Variants in TRANK1 observed in about 807,000 individuals in gnomAD.
TRANK1 encodes TPR and ankyrin repeat-containing protein 1.
In TRANK1, 198 loss-of-function variants were observed where a neutral mutation model predicts 266.0. That is an observed-to-expected ratio of 0.74 (90% confidence interval 0.66 to 0.84). TRANK1 has a LOEUF of 0.84. TRANK1 is among the 40% of genes least tolerant of loss of function. The pLI is 0.00. For missense variants in TRANK1, 3,326 were observed against 3,634.6 expected, an observed-to-expected ratio of 0.92 and a Z score of 2.18; for synonymous variants, 1,396 against 1,384.1, an observed-to-expected ratio of 1.01 and a Z score of -0.19.
intron 8 of TRANK1, among the ~76,000 whole-genome samples, chr3:36,876,611 G>A (rs1433925686): frequency 6.6e-6 from 1 of 152,174 alleles, no homozygotes; most frequent in Admixed American, 6.5e-5. Flanking sequence ...ACCACAAACC[G>A]CTACAGATGA....
intron 1 of TRANK1, among the ~76,000 whole-genome samples, chr3:36,931,795 T>C (rs1382387120): frequency 2.6e-5 from 4 of 152,236 alleles, no homozygotes; most frequent in African/African-American, 4.8e-5. Flanking sequence ...ACACTTGTAA[T>C]CCCAGCACTC....
intron 4 of TRANK1, among the ~76,000 whole-genome samples, chr3:36,896,827 T>C (rs2079797919): frequency 6.6e-6 from 1 of 151,756 alleles, no homozygotes; most frequent in Admixed American, 6.6e-5. Flanking sequence ...AAAGCCCTTC[T>C]CTACTAAAAA....
intron 18 of TRANK1, 72 bp downstream of exon 18, chr3:36,842,550 T>C (rs888869485): frequency 3.7e-6 from 5 of 1,346,908 alleles, no homozygotes; most frequent in Non-Finnish European, 5.3e-6. Flanking sequence ...ACAAACACCA[T>C]GATGTGAAAC....
intron 11 of TRANK1, among the ~76,000 whole-genome samples, chr3:36,859,428 C>T (rs1015262488): frequency 3.3e-5 from 5 of 152,134 alleles, no homozygotes; most frequent in South Asian, 2.1e-4. Context: ...TAACCCCCCA[C>T]CTCCTGACAG....
At chr3:36,859,108 C>CCTCACCCCCGCCTCCTCTT (rs2079098634) in intron 11 of TRANK1, among the ~76,000 whole-genome samples, 2 of 152,148 alleles carry the variant, frequency 1.3e-5, no homozygotes, top group African/African-American at 4.8e-5. Flanking sequence ...TGTCTGGGGG[C>CCTCACCCCCGCCTCCTCTT]CTCACCCCCG....
chr3:36,924,155 A>T (rs111874024), intron 1 of TRANK1, among the ~76,000 whole-genome samples: 4,507 of 152,278 alleles, frequency 0.03, 100 homozygotes, highest in African/African-American at 0.039. Flanking sequence ...GGCGGGCACC[A>T]GGTGAGATCA....
chr3:36,935,341 A>G (rs756675568), intron 1 of TRANK1, among the ~76,000 whole-genome samples: 3 of 151,482 alleles, frequency 2.0e-5, no homozygotes, highest in Non-Finnish European at 2.9e-5. Context: ...CTTTTGCCAT[A>G]TATTTCCCAC....
chr3:36,909,913 A>G (rs1182170779), intron 1 of TRANK1, among the ~76,000 whole-genome samples: 1 of 152,262 alleles, frequency 6.6e-6, no homozygotes, highest in African/African-American at 2.4e-5. Flanking sequence ...GAACATGAAA[A>G]AATGTAAAGA....
intron 4 of TRANK1, among the ~76,000 whole-genome samples, chr3:36,898,651 G>C (rs558972973): frequency 6.6e-6 from 1 of 151,902 alleles, no homozygotes; most frequent in African/African-American, 2.4e-5. Flanking sequence ...AGAGATTAAG[G>C]CCATCCTGGC....
At chr3:36,892,852 CATATATATATATATATATAG>C (rs1222130088) in intron 6 of TRANK1, 29 bp downstream of exon 6, 5 of 582,060 alleles carry the variant, frequency 8.6e-6, no homozygotes, top group Admixed American at 5.3e-5. Context: ...CAAAACAAAA[CATATATATATATATATATAG>C]ATATATATAG....
intron 3 of TRANK1, among the ~76,000 whole-genome samples, chr3:36,901,059 C>G (rs2079873518): frequency 6.7e-6 from 1 of 149,244 alleles, no homozygotes; most frequent in Admixed American, 6.7e-5. Context: ...ACTAGGCAAG[C>G]TGATAATCTC....
At chr3:36,897,749 T>A (rs574771390) in intron 4 of TRANK1, among the ~76,000 whole-genome samples, 2 of 152,374 alleles carry the variant, frequency 1.3e-5, no homozygotes, top group South Asian at 2.1e-4. Flanking sequence ...TGGCAGAGCA[T>A]AAATTAATAG....
At chr3:36,863,318 G>T (rs2079170183) in intron 10 of TRANK1, among the ~76,000 whole-genome samples, 1 of 152,086 alleles carries the variant, frequency 6.6e-6, no homozygotes. Flanking sequence ...ATTAAATAAG[G>T]TTTTATTTTC....
intron 8 of TRANK1, among the ~76,000 whole-genome samples, chr3:36,881,915 A>G (rs765213543): frequency 1.2e-4 from 18 of 152,204 alleles, no homozygotes; most frequent in Non-Finnish European, 2.1e-4. Context: ...TGTAGCATGT[A>G]TCAGTACTTC....
At chr3:36,916,713 G>T (rs938196932) in intron 1 of TRANK1, among the ~76,000 whole-genome samples, 2 of 152,142 alleles carry the variant, frequency 1.3e-5, no homozygotes, top group East Asian at 3.8e-4. Flanking sequence ...GAAGGCAAAA[G>T]AAATGAACTC....
At chr3:36,901,188 C>T (rs1176787619) in intron 3 of TRANK1, among the ~76,000 whole-genome samples, 1 of 150,376 alleles carries the variant, frequency 6.6e-6, no homozygotes, top group African/African-American at 2.4e-5. Context: ...TTATTTCGAG[C>T]TGAAGGTATC....
Position 36,851,720 on chromosome 3 carries a change from T to C in TRANK1, c.4886A>G (p.Glu1629Gly). The change falls in exon 15 of 24, where the codon GAG becomes GGG. Residue 1629 changes from glutamate to glycine, a missense_variant and splice_region_variant. Coordinates refer to ENST00000645898, the MANE Select transcript of TRANK1 (RefSeq NM_001329998.2). ...VLLYNFFTDS[E>G]AYKEWKIISS... The stretch of plus-strand genomic sequence containing the variant: ...TGAAAAGAATTAGGTGTGACATACC[T>C]CAGAATCAGTAAAAAAGTTGTAAAG... The C allele has an allele frequency of 1.2e-6, 2 of 1,610,616 alleles. No homozygotes were observed. Among genetic ancestry groups the C allele is most frequent in the Non-Finnish European group, 1.7e-6 (2 of 1,178,952 alleles).
Position 36,832,020 on chromosome 3 carries a change from A to G in TRANK1, c.7563T>C (p.Asp2521=), listed in dbSNP as rs1188821384. 2 of 1,614,036 alleles carry G rather than the reference A, an allele frequency of 1.2e-6. No individual in the cohort carries two copies. The highest frequency in any genetic ancestry group is 2.7e-5 in the African/African-American group (2 of 75,052). ...CGAGGTAGGAGAGATGGAACCGGAA[A>G]TCCTGAATGGCTCTTGTCACGTCCT... ...KPKDVTRAIQ[D]FRFHLSYLAK... The change falls in exon 22 of 24, where the codon GAT becomes GAC. Residue 2521 remains aspartate (D), a synonymous_variant. Transcript: ENST00000645898.
intron 11 of TRANK1, 41 bp downstream of exon 11, chr3:36,860,865 T>A: frequency 6.5e-7 from 1 of 1,532,288 alleles, no homozygotes; most frequent in Admixed American, 2.0e-5. Flanking sequence ...ACGTGGAGAA[T>A]GTGGACAAGT....
Sources: allele counts gnomAD v4.1 joint callset (sites outside exome capture counted in the v4.1 genomes callset), GRCh38; gene constraint gnomAD v4.1.1; transcripts MANE v1.5; gene names NCBI Gene and HGNC (gene_info 2026-07-23, HGNC 2026-07-21).